TACC1: variants seen among roughly 807,000 people sequenced by gnomAD.
TACC1 encodes the protein transforming acidic coiled-coil-containing protein 1.
Under a neutral mutation model 84.4 loss-of-function variants are expected in TACC1, and 48 were observed. The observed-to-expected ratio is 0.57, with a 90% CI of 0.45 to 0.72. TACC1 has a LOEUF of 0.72. TACC1 is among the 30% of genes least tolerant of loss of function. The pLI, the probability that TACC1 is intolerant of heterozygous loss-of-function variation, is 0.00. For missense variants in TACC1, 920 were observed against 973.0 expected, an observed-to-expected ratio of 0.95 and a Z score of 0.72; for synonymous variants, 372 against 376.3, an observed-to-expected ratio of 0.99 and a Z score of 0.13.
At position 38,787,290 on chromosome 8, in the gene TACC1, G is replaced by A. The variant is rs1817445405; in HGVS notation, c.-293G>A. On this transcript the variant is annotated 5_prime_UTR_variant, in exon 1 of 13. Transcript: ENST00000317827. ...GAGGTCTAGCAGCCGGGCGCCGCGGGCCGGGGGCCTGAGGAGGCCACAGGA... is the reference window on the plus strand; with the variant it reads ...GAGGTCTAGCAGCCGGGCGCCGCGGACCGGGGGCCTGAGGAGGCCACAGGA... 3.6e-6 allele frequency: 4 copies of A among 1,118,292 alleles called. No individual in the cohort carries two copies. The highest frequency in any genetic ancestry group is 8.0e-5 in the South Asian group (2 of 25,038). 69.3% of individuals were successfully genotyped at this position (1,118,292 alleles called of 1,614,324 possible). A position where few individuals can be genotyped will look rare whatever the true frequency, so the allele number is the denominator to read the frequency against.
At chr8:38,827,133 C>T in intron 4 of TACC1, 35 bp from the exon 5 acceptor site, 1 of 1,595,282 alleles carries the variant, frequency 6.3e-7, no homozygotes, top group South Asian at 1.1e-5. Context: ...GCTTGCCCTC[C>T]TAAAGGGTAG....
intron 2 of TACC1, among the ~76,000 whole-genome samples, chr8:38,811,189 T>TA (rs59003979): frequency 1.4e-3 from 204 of 144,420 alleles, no homozygotes; most frequent in South Asian, 3.8e-3. Flanking sequence ...ATGGAATGAT[T>TA]AAAAAAAAAA....
intron 1 of TACC1, among the ~76,000 whole-genome samples, chr8:38,730,878 T>C (rs1804796687): frequency 6.6e-6 from 1 of 152,222 alleles, no homozygotes; most frequent in South Asian, 2.1e-4. Context: ...ACTGTATCCC[T>C]GATAAACATC....
chr8:38,767,973 C>T (rs762408469), intron 3 of TACC1, among the ~76,000 whole-genome samples: 6 of 151,618 alleles, frequency 4.0e-5, no homozygotes, highest in Non-Finnish European at 5.9e-5. Flanking sequence ...GAGGCGGAGG[C>T]GGGAGGATCT....
intron 3 of TACC1, among the ~76,000 whole-genome samples, chr8:38,757,796 C>T (rs1810405328): frequency 6.6e-6 from 1 of 152,214 alleles, no homozygotes; most frequent in Non-Finnish European, 1.5e-5. Context: ...GCACTCAAGT[C>T]TCAAAACGCA....
Position 38,819,674 on chromosome 8 carries a change from A to T in TACC1, c.430A>T (p.Ser144Cys), listed in dbSNP as rs1389224828. 1 of 1,614,238 alleles carries T rather than the reference A, an allele frequency of 6.2e-7. No homozygotes were observed. The highest frequency in any genetic ancestry group is 8.5e-7 in the Non-Finnish European group (1 of 1,180,040). ...CAGAGAAGAACCTGAACATGATTTT[A>T]GCAAAATTTCCATCGTGAGGCCATT... is the stretch of plus-strand genomic sequence containing the variant. ...NFREEPEHDF[S>C]KISIVRPFSI... The change falls in exon 3 of 13, where the codon AGC (serine) becomes TGC (cysteine). Residue 144 changes from serine to cysteine, a missense_variant. Ser to Cys is a moderately radical substitution (Grantham distance 112). Transcript: ENST00000317827.
In TACC1 at chr8:38,791,613, T is replaced by C. The variant is rs1013800250; in HGVS notation, c.277+2794T>C. Among the ~76,000 whole-genome samples the C allele has an allele frequency of 1.8e-4, 28 of 152,254 alleles. 1 individual carries two copies. Among genetic ancestry groups the C allele is most frequent in the African/African-American group, 6.8e-4 (28 of 41,464 alleles). ...TTCAGAGTCATTTCATATTGAAGTT[T>C]AATTTCTGGGACTGGATAAGTTCCC... On this transcript the variant is annotated intron_variant, in intron 2 of 12. Coordinates refer to ENST00000317827, the MANE Select transcript of TACC1 (RefSeq NM_006283.3).
intron 3 of TACC1, among the ~76,000 whole-genome samples, chr8:38,751,274 TC>T (rs1158726354): frequency 1.3e-5 from 2 of 152,198 alleles, no homozygotes; most frequent in Non-Finnish European, 2.9e-5. Context: ...ACCATTCAGC[TC>T]TCTAAAACTG....
chr8:38,842,902 GATTTA>G (rs773581245), intron 10 of TACC1, among the ~76,000 whole-genome samples: 40 of 152,286 alleles, frequency 2.6e-4, no homozygotes, highest in African/African-American at 9.1e-4. Context: ...TGGGCCTGTT[GATTTA>G]ATTTAACTTT....
At chr8:38,816,262 G>A (rs1235249139) in intron 2 of TACC1, among the ~76,000 whole-genome samples, 1 of 151,942 alleles carries the variant, frequency 6.6e-6, no homozygotes, top group Non-Finnish European at 1.5e-5. Context: ...AATCTTTTTG[G>A]TAGAAAATAC....
intron 3 of TACC1, among the ~76,000 whole-genome samples, chr8:38,771,624 C>G (rs1252048978): frequency 6.6e-6 from 1 of 152,190 alleles, no homozygotes; most frequent in African/African-American, 2.4e-5. Context: ...CATAAGTGCG[C>G]ATGGGTGTCA....
rs534910466 is a variant in TACC1 at position 38,775,974 on chromosome 8, AAATCGTCACT to A, written c.27-12728_27-12719del. 1.8e-3 allele frequency among the ~76,000 whole-genome samples: 273 copies of A among 152,344 alleles called. 3 individuals are homozygous for A. The highest frequency in any genetic ancestry group is 6.3e-3 in the African/African-American group (261 of 41,572). On this transcript the variant is annotated intron_variant, in intron 3 of 14. Transcript: ENST00000518415. ...TAAAAATATTTTGTGTGTGTGCTAGAAATCGTCACTAGCACCAGTTAGTGTTGAAGCCAAA... is the reference window on the plus strand; with the variant it reads ...TAAAAATATTTTGTGTGTGTGCTAGAAGCACCAGTTAGTGTTGAAGCCAAA...
chr8:38,839,507 G>A (rs1258599833), intron 8 of TACC1: 1 of 340,288 alleles, frequency 2.9e-6, no homozygotes, highest in Non-Finnish European at 5.3e-6. Flanking sequence ...TAGGTGTAAG[G>A]CCCTTTGCTG....
At chr8:38,751,742 A>C (rs548067480) in intron 3 of TACC1, among the ~76,000 whole-genome samples, 2 of 152,300 alleles carry the variant, frequency 1.3e-5, no homozygotes, top group African/African-American at 4.8e-5. Context: ...CGAGAAACCA[A>C]AAATTTTGTG....
intron 3 of TACC1, among the ~76,000 whole-genome samples, chr8:38,777,848 C>T (rs1352635426): frequency 6.6e-6 from 1 of 152,216 alleles, no homozygotes; most frequent in East Asian, 1.9e-4. Context: ...CTTGTGCTCA[C>T]ATCCCATGGG....
intron 3 of TACC1, chr8:38,823,952 CTG>C: frequency 7.5e-7 from 1 of 1,342,122 alleles, no homozygotes; most frequent in East Asian, 4.6e-5. Context: ...CTCCATCTGT[CTG>C]TCTCTTTCCT....
At chr8:38,811,730 T>C (rs1455395271) in intron 2 of TACC1, among the ~76,000 whole-genome samples, 1 of 152,194 alleles carries the variant, frequency 6.6e-6, no homozygotes, top group African/African-American at 2.4e-5. Context: ...TTGTGAAGCA[T>C]GTGTGTTTAA....
chr8:38,804,373 ACTG>A (rs1339518934), intron 2 of TACC1, among the ~76,000 whole-genome samples: 3 of 152,006 alleles, frequency 2.0e-5, no homozygotes, highest in Admixed American at 2.0e-4. Context: ...ATCTTGGCTC[ACTG>A]CAACCCTCCG....
At chr8:38,789,355 G>C (rs1818109008) in intron 2 of TACC1, among the ~76,000 whole-genome samples, 1 of 152,152 alleles carries the variant, frequency 6.6e-6, no homozygotes, top group African/African-American at 2.4e-5. Flanking sequence ...TCATCTGCAG[G>C]AGCTTCCGTT....
Sources: gnomAD v4.1 joint callset for allele counts (sites outside exome capture counted in the v4.1 genomes callset) on GRCh38, gnomAD v4.1.1 for gene constraint, MANE v1.5 for transcripts, NCBI Gene and HGNC (gene_info 2026-07-23, HGNC 2026-07-21) for gene names.